Variants in JAKMIP1 observed in about 807,000 individuals in gnomAD.
JAKMIP1 encodes janus kinase and microtubule-interacting protein 1.
JAKMIP1 carries 33 observed loss-of-function variants against 113.0 expected under a neutral mutation model. The ratio of observed to expected loss-of-function variants is 0.29; its 90% CI spans 0.22 to 0.39. The LOEUF (loss-of-function observed/expected upper bound fraction) is 0.39, where lower values mean the gene tolerates loss of function less well. Among genes scored for constraint, JAKMIP1 ranks in the 10% least tolerant of loss-of-function variants. JAKMIP1 has a pLI of 1.00. For missense variants in JAKMIP1, 813 were observed against 1,080.5 expected, an observed-to-expected ratio of 0.75 and a Z score of 3.47; for synonymous variants, 480 against 459.9, an observed-to-expected ratio of 1.04 and a Z score of -0.56.
chr4:6,076,637 C>T lies in JAKMIP1; in HGVS notation c.1302+2302G>A, dbSNP rs1371265111. On this transcript the variant is annotated intron_variant, in intron 8 of 20. Coordinates refer to ENST00000409021, the MANE Select transcript of JAKMIP1 (RefSeq NM_001099433.2). This position sits in a 1 kb window ranked among gnomAD's most constrained non-coding sequence, Gnocchi z 4.8. ...ACCCATAGATATATTTTATGTGGCC[C>T]ACAGGTATATATTTTACAGGCTGAG... Among the ~76,000 whole-genome samples, 1 of 152,080 alleles carries T rather than the reference C, an allele frequency of 6.6e-6. No individual in the cohort carries two copies. Among genetic ancestry groups the T allele is most frequent in the Non-Finnish European group, 1.5e-5 (1 of 68,024 alleles).
At chr4:6,028,634 G>C (rs973599583) in intron 20 of JAKMIP1, among the ~76,000 whole-genome samples, 4 of 152,164 alleles carry the variant, frequency 2.6e-5, no homozygotes, top group African/African-American at 9.7e-5. Context: ...CCTGAAATAA[G>C]TCAGCTTCCT....
chr4:6,078,326 C>CAA (rs35404685), intron 8 of JAKMIP1, among the ~76,000 whole-genome samples: 27 of 124,788 alleles, frequency 2.2e-4, no homozygotes, highest in Middle Eastern at 4.4e-3. Context: ...AAAAAAAAAA[C>CAA]AAAAAAAAAA....
chr4:6,193,239 G>A lies in JAKMIP1; in HGVS notation c.-148+7014C>T, dbSNP rs1162269566. Among the ~76,000 whole-genome samples the A allele has an allele frequency of 2.0e-5, 3 of 152,176 alleles. No individual in the cohort carries two copies. The highest frequency in any genetic ancestry group is 2.9e-5 in the Non-Finnish European group (2 of 68,040). On this transcript the variant is annotated intron_variant, in intron 1 of 20. Coordinates refer to ENST00000409021, the MANE Select transcript of JAKMIP1 (RefSeq NM_001099433.2). This position sits in a 1 kb window ranked among gnomAD's most constrained non-coding sequence, Gnocchi z 6.4. ...GGGGCTCTAAGGCCTTTGGCCACAG[G>A]CTGAAGGCTGTGCTGTTGGATTCTG...
rs952656763 is a variant in JAKMIP1, at chr4:6,086,434, G to A, written c.625-805C>T. On this transcript the variant is annotated intron_variant, in intron 3 of 20. Transcript: ENST00000409021. This position sits in a 1 kb window ranked among gnomAD's most constrained non-coding sequence, Gnocchi z 4.1. ...TGCCTGACACCTCTGCTTGGATCTC[G>A]GAGGGACCACAGCCTCTCCACGTAC... Among the ~76,000 whole-genome samples the A allele has an allele frequency of 3.3e-5, 5 of 151,820 alleles. No homozygotes were observed. Among genetic ancestry groups the A allele is most frequent in the African/African-American group, 1.2e-4 (5 of 41,310 alleles).
In JAKMIP1 at chr4:6,139,166, G is replaced by C. The variant is rs1187643447; in HGVS notation, c.-147-26169C>G. ...TATGCCTGAGCCCCACTTTCCCCCT[G>C]AATTTTAACCTGCTTTGGGAGGGTT... On this transcript the variant is annotated intron_variant, in intron 1 of 20. Coordinates refer to ENST00000409021, the MANE Select transcript of JAKMIP1 (RefSeq NM_001099433.2). The surrounding 1 kb of genome is among the most constrained non-coding windows in gnomAD (Gnocchi z 5.2). Among the ~76,000 whole-genome samples the C allele has an allele frequency of 2.0e-5, 3 of 151,722 alleles. No individual in the cohort carries two copies. The highest frequency in any genetic ancestry group is 7.3e-5 in the African/African-American group (3 of 41,276).
intron 16 of JAKMIP1, among the ~76,000 whole-genome samples, chr4:6,048,378 A>G (rs1245931683): frequency 6.6e-6 from 1 of 152,256 alleles, no homozygotes; most frequent in Non-Finnish European, 1.5e-5. Flanking sequence ...ATGTGTAAAA[A>G]ATGTGCAGTT....
chr4:6,161,194 C>G (rs916632214), intron 1 of JAKMIP1, among the ~76,000 whole-genome samples: 2 of 149,988 alleles, frequency 1.3e-5, no homozygotes, highest in Non-Finnish European at 3.0e-5. Context: ...CCCCTGATCT[C>G]CACTCATCTC....
rs1385332031 is a variant in JAKMIP1 at position 6,116,356 on chromosome 4, C to T, written c.-147-3359G>A. On this transcript the variant is annotated intron_variant, in intron 1 of 20. Coordinates refer to ENST00000409021, the MANE Select transcript of JAKMIP1 (RefSeq NM_001099433.2). The surrounding 1 kb of genome is among the most constrained non-coding windows in gnomAD (Gnocchi z 5.1). ...CGCCCGGGGATTTTCGTTCTGAGCC[C>T]ACTGCCCACCAAGCAGGAGATGGCA... Among the ~76,000 whole-genome samples the T allele has an allele frequency of 1.3e-5, 2 of 151,902 alleles. No individual in the cohort carries two copies. Among genetic ancestry groups the T allele is most frequent in the Non-Finnish European group, 2.9e-5 (2 of 67,994 alleles).
In JAKMIP1 at chr4:6,138,913, A is replaced by G. The variant is rs1719660470; in HGVS notation, c.-147-25916T>C. Among the ~76,000 whole-genome samples the G allele has an allele frequency of 6.6e-6, 1 of 152,164 alleles. No homozygotes were observed. The highest frequency in any genetic ancestry group is 1.5e-5 in the Non-Finnish European group (1 of 68,034). Reference sequence around the variant, plus strand: ...AAGGCCAGTTGGGCGCTAAGCAACTACTGCTTACTGCCTTGATTCCTGGGC... The same window carrying G: ...AAGGCCAGTTGGGCGCTAAGCAACTGCTGCTTACTGCCTTGATTCCTGGGC... On this transcript the variant is annotated intron_variant, in intron 1 of 20. Transcript: ENST00000409021. This position sits in a 1 kb window ranked among gnomAD's most constrained non-coding sequence, Gnocchi z 6.0.
chr4:6,033,026 A>C (rs1366030252), intron 19 of JAKMIP1, among the ~76,000 whole-genome samples: 1 of 152,252 alleles, frequency 6.6e-6, no homozygotes, highest in Non-Finnish European at 1.5e-5. Context: ...GGGTCAGGAC[A>C]AAGTGAATTT....
chr4:6,102,664 C>T (rs1189007976), intron 3 of JAKMIP1, among the ~76,000 whole-genome samples: 1 of 148,454 alleles, frequency 6.7e-6, no homozygotes, highest in Non-Finnish European at 1.5e-5. Context: ...GGGTTTGCTA[C>T]ATCACAACCA....
At chr4:6,054,332 T>A (rs1716053288) in intron 12 of JAKMIP1, among the ~76,000 whole-genome samples, 184 bp from the exon 13 acceptor site, 1 of 152,162 alleles carries the variant, frequency 6.6e-6, no homozygotes, top group African/African-American at 2.4e-5. Flanking sequence ...TTTTTGCTGA[T>A]GCGGCTGGAA....
intron 1 of JAKMIP1, among the ~76,000 whole-genome samples, chr4:6,148,578 G>A (rs1273260965): frequency 2.0e-5 from 3 of 152,372 alleles, no homozygotes; most frequent in African/African-American, 7.2e-5. Context: ...TTTTCACCCA[G>A]TTCCATTCAC....
At chr4:6,096,271 G>T (rs73073476) in intron 3 of JAKMIP1, among the ~76,000 whole-genome samples, 2 of 152,152 alleles carry the variant, frequency 1.3e-5, no homozygotes, top group Non-Finnish European at 2.9e-5. Context: ...TTTCATGACC[G>T]GTGAGGTTAA....
intron 1 of JAKMIP1, among the ~76,000 whole-genome samples, chr4:6,174,875 C>T (rs1725157548): frequency 6.6e-6 from 1 of 152,148 alleles, no homozygotes; most frequent in African/African-American, 2.4e-5. Flanking sequence ...TCACCCTCTG[C>T]CCACCCATGT....
At chr4:6,189,364 C>T (rs969526393) in intron 1 of JAKMIP1, among the ~76,000 whole-genome samples, 21 of 152,188 alleles carry the variant, frequency 1.4e-4, no homozygotes, top group African/African-American at 4.6e-4. Context: ...GTATTCCCAC[C>T]CCAAGCATTA....
chr4:6,096,784 C>G (rs1711859961), intron 3 of JAKMIP1, among the ~76,000 whole-genome samples: 1 of 152,184 alleles, frequency 6.6e-6, no homozygotes, highest in Non-Finnish European at 1.5e-5. Context: ...AGTGAGATAT[C>G]TTGGGGATGG....
Position 6,154,392 on chromosome 4 carries a change from G to T in JAKMIP1, c.-147-41395C>A, listed in dbSNP as rs1721978735. On this transcript the variant is annotated intron_variant, in intron 1 of 20. Transcript: ENST00000409021. The surrounding 1 kb of genome is among the most constrained non-coding windows in gnomAD (Gnocchi z 4.2). ...GGATTTACCACAAAGAGCGTGAAGA[G>T]AGTGGTCCCCTTCCAAGTCCCCATT... Among the ~76,000 whole-genome samples the T allele has an allele frequency of 6.6e-6, 1 of 152,002 alleles. No homozygotes were observed. Among genetic ancestry groups the T allele is most frequent in the Non-Finnish European group, 1.5e-5 (1 of 68,008 alleles).
In JAKMIP1 at chr4:6,200,015, G is replaced by A; in HGVS notation, c.-148+238C>T. Reference sequence around the variant, plus strand: ...GCAGCGGCTGGGAGATTTTGCAAGGGGGTCTGAAGAGGAGTGGGGGATGGG... The same window carrying A: ...GCAGCGGCTGGGAGATTTTGCAAGGAGGTCTGAAGAGGAGTGGGGGATGGG... On this transcript the variant is annotated intron_variant, in intron 1 of 20. Coordinates refer to ENST00000409021, the MANE Select transcript of JAKMIP1 (RefSeq NM_001099433.2). This position sits in a 1 kb window ranked among gnomAD's most constrained non-coding sequence, Gnocchi z 7.0. 6.7e-6 allele frequency among the ~76,000 whole-genome samples: 1 copy of A among 149,826 alleles called. No individual in the cohort carries two copies. The highest frequency in any genetic ancestry group is 6.6e-5 in the Admixed American group (1 of 15,116).
Sources: gnomAD v4.1 joint callset for allele counts (sites outside exome capture counted in the v4.1 genomes callset) on GRCh38, gnomAD v4.1.1 for gene constraint, Gnocchi (gnomAD v3.1) non-coding constraint, MANE v1.5 for transcripts, NCBI Gene and HGNC (gene_info 2026-07-23, HGNC 2026-07-21) for gene names.